MGMT: variants seen among roughly 807,000 people sequenced by gnomAD.
MGMT encodes the protein O-6-methylguanine-DNA methyltransferase.
In MGMT, 14 loss-of-function variants were observed where a neutral mutation model predicts 15.9. That is an observed-to-expected ratio of 0.88 (90% CI 0.58 to 1.37). The LOEUF (loss-of-function observed/expected upper bound fraction) is 1.37, where lower values mean the gene tolerates loss of function less well. Among genes scored for constraint, MGMT ranks in the 40% most tolerant of loss-of-function variants. MGMT has a pLI of 0.00. For synonymous variants in MGMT, 130 were observed against 118.2 expected, an observed-to-expected ratio of 1.10 and a Z score of -0.65; for missense variants, 282 against 268.1, an observed-to-expected ratio of 1.05 and a Z score of -0.36.
chr10:129,760,882 C>A (rs1848864857), intron 4 of MGMT, among the ~76,000 whole-genome samples: 1 of 152,166 alleles, frequency 6.6e-6, no homozygotes, highest in Non-Finnish European at 1.5e-5. Context: ...ATTGACCCTT[C>A]CTTTTGCACC....
At chr10:129,703,076 A>C (rs1282105617) in intron 2 of MGMT, among the ~76,000 whole-genome samples, 2 of 152,228 alleles carry the variant, frequency 1.3e-5, no homozygotes, top group Non-Finnish European at 2.9e-5. Context: ...AATGCCATTC[A>C]TTTTAAATGT....
rs1564845413 is a variant in MGMT, at chr10:129,536,291, CA to C, written c.40del (p.Ser14AlafsTer18). 6.2e-7 allele frequency: 1 copy of C among 1,614,128 alleles called. No individual in the cohort carries two copies. The highest frequency in any genetic ancestry group is 2.2e-5 in the East Asian group (1 of 44,880). ...GTGAAATGAAACGCACCACACTGGACAGCCCTTTGGGGAAGCTGGAGCTGTC... is the reference window on the plus strand; with the variant it reads ...GTGAAATGAAACGCACCACACTGGACGCCCTTTGGGGAAGCTGGAGCTGTC... The part of the protein sequence containing the change: ...DCEMKRTTLD[S>X]PLGKLELSGC... On this transcript the variant is annotated frameshift_variant, in exon 2 of 5. Transcript: ENST00000651593. LOFTEE classifies it high-confidence loss of function.
chr10:129,541,272 G>A (rs532385809), intron 2 of MGMT, among the ~76,000 whole-genome samples: 2 of 152,368 alleles, frequency 1.3e-5, no homozygotes, highest in South Asian at 2.1e-4. Context: ...CAAAAGGGAA[G>A]CAACATAAGC....
Position 129,467,291 on chromosome 10 carries a change from G to T in MGMT, c.-18G>T. 6.5e-7 allele frequency: 1 copy of T among 1,541,760 alleles called. No homozygotes were observed. On this transcript the variant is annotated 5_prime_UTR_variant, in exon 1 of 5. Transcript: ENST00000651593. ...GGTCCTCGCGGTGCGCACCGTTTGCGACTTGGTGAGTGTCTGGGTCGCCTC... is the reference window on the plus strand; with the variant it reads ...GGTCCTCGCGGTGCGCACCGTTTGCTACTTGGTGAGTGTCTGGGTCGCCTC...
intron 3 of MGMT, among the ~76,000 whole-genome samples, chr10:129,710,828 C>T (rs1848224993): frequency 6.6e-6 from 1 of 152,212 alleles, no homozygotes; most frequent in Admixed American, 6.5e-5. Context: ...GGAGCGGGTC[C>T]ATTGTAACAT....
rs550253498 is a variant in MGMT, at chr10:129,552,636, G to A, written c.125+16259G>A. Among the ~76,000 whole-genome samples the A allele has an allele frequency of 7.9e-5, 12 of 152,346 alleles. No homozygotes were observed. The South Asian group carries it at 1.5e-3, about 18-fold the overall frequency. On this transcript the variant is annotated intron_variant, in intron 2 of 4. Transcript: ENST00000651593. The stretch of plus-strand genomic sequence containing the variant: ...ATCGCAGGCACATCGTCTGGTTAGC[G>A]GGAGACATGTTTGGCCAGCGGTGAA...
At chr10:129,760,648 C>T (rs923971039) in intron 4 of MGMT, among the ~76,000 whole-genome samples, 3 of 152,202 alleles carry the variant, frequency 2.0e-5, no homozygotes, top group African/African-American at 4.8e-5. Flanking sequence ...ATGACAGTTA[C>T]GTAGGCTTTT....
chr10:129,531,152 T>C (rs1845927041), intron 1 of MGMT, among the ~76,000 whole-genome samples: 1 of 152,058 alleles, frequency 6.6e-6, no homozygotes, highest in African/African-American at 2.4e-5. Flanking sequence ...TGGCCCTCTC[T>C]TGAGGTTGTT....
intron 2 of MGMT, among the ~76,000 whole-genome samples, chr10:129,600,738 T>C (rs969829712): frequency 2.0e-5 from 3 of 152,212 alleles, no homozygotes; most frequent in African/African-American, 7.2e-5. Flanking sequence ...AGGAATTGGC[T>C]ATGACCTGCC....
chr10:129,531,455 C>T (rs1390220611), intron 1 of MGMT, among the ~76,000 whole-genome samples: 2 of 152,066 alleles, frequency 1.3e-5, no homozygotes, highest in Non-Finnish European at 2.9e-5. Context: ...GTGGGTCCCT[C>T]CTGGTGTCCG....
chr10:129,755,700 T>A (rs1848798217), intron 3 of MGMT, among the ~76,000 whole-genome samples: 1 of 152,346 alleles, frequency 6.6e-6, no homozygotes, highest in South Asian at 2.1e-4. Flanking sequence ...GGAGCCCTGA[T>A]CTCAGAGAGG....
chr10:129,519,226 A>G (rs1201217052), intron 1 of MGMT, among the ~76,000 whole-genome samples: 2 of 152,238 alleles, frequency 1.3e-5, no homozygotes, highest in Admixed American at 6.5e-5. Context: ...TTACTGTAAG[A>G]TAAAAGACTG....
intron 2 of MGMT, among the ~76,000 whole-genome samples, chr10:129,587,629 C>G (rs977716653): frequency 1.3e-5 from 2 of 151,558 alleles, no homozygotes; most frequent in Non-Finnish European, 2.9e-5. Flanking sequence ...GCTGAGACTA[C>G]AGGCACAACC....
intron 1 of MGMT, among the ~76,000 whole-genome samples, chr10:129,531,037 G>T (rs1340022320): frequency 6.6e-6 from 1 of 152,208 alleles, no homozygotes; most frequent in Non-Finnish European, 1.5e-5. Context: ...CTCAGGCTGG[G>T]GTGCTGTCAG....
intron 2 of MGMT, among the ~76,000 whole-genome samples, chr10:129,692,895 T>C (rs1335775643): frequency 6.6e-6 from 1 of 152,176 alleles, no homozygotes; most frequent in Non-Finnish European, 1.5e-5. Flanking sequence ...TCGCGGTTGC[T>C]CTCATCCGTC....
intron 2 of MGMT, among the ~76,000 whole-genome samples, chr10:129,691,604 G>A (rs1400671901): frequency 4.6e-5 from 7 of 151,864 alleles, no homozygotes; most frequent in East Asian, 3.9e-4. Flanking sequence ...GGCGGTGGCC[G>A]GGGGGAGCAC....
At chr10:129,611,141 G>GC (rs2133068360) in intron 2 of MGMT, among the ~76,000 whole-genome samples, 1 of 152,340 alleles carries the variant, frequency 6.6e-6, no homozygotes, top group Non-Finnish European at 1.5e-5. Flanking sequence ...AGAATTGTGT[G>GC]CAGGTGGCTG....
intron 1 of MGMT, among the ~76,000 whole-genome samples, chr10:129,497,236 A>G (rs917200022): frequency 1.3e-5 from 2 of 152,180 alleles, no homozygotes; most frequent in Non-Finnish European, 2.9e-5. Context: ...GAGGCAGGCA[A>G]GCAGCATCAG....
intron 2 of MGMT, among the ~76,000 whole-genome samples, chr10:129,676,495 G>T (rs912441958): frequency 3.3e-5 from 5 of 152,216 alleles, no homozygotes; most frequent in African/African-American, 1.2e-4. Context: ...GGCGTACTCT[G>T]CGAGGGTCCC....
Sources: gnomAD v4.1 joint callset for allele counts (sites outside exome capture counted in the v4.1 genomes callset) on GRCh38, gnomAD v4.1.1 for gene constraint, MANE v1.5 for transcripts, NCBI Gene and HGNC (gene_info 2026-07-23, HGNC 2026-07-21) for gene names.